The following RNF17 variants were observed in gnomAD, a reference collection of about 807,000 sequenced individuals.
The protein encoded by RNF17 is spermatogenesis associated 23.
RNF17 carries 31 observed loss-of-function variants against 200.5 expected under a neutral mutation model. That is an observed-to-expected ratio of 0.15 (90% CI 0.12 to 0.21). The LOEUF is 0.21. Among genes scored for constraint, RNF17 ranks in the 10% least tolerant of loss-of-function variants. The pLI is 1.00. For synonymous variants in RNF17, 606 were observed against 637.8 expected, an observed-to-expected ratio of 0.95 and a Z score of 0.75; for missense variants, 1,628 against 1,905.1, an observed-to-expected ratio of 0.85 and a Z score of 2.71.
At chr13:24,819,134 A>G (rs1887745140) in intron 15 of RNF17, among the ~76,000 whole-genome samples, 1 of 152,202 alleles carries the variant, frequency 6.6e-6, no homozygotes, top group Admixed American at 6.5e-5. Flanking sequence ...ATAGATTTCT[A>G]GAACATTTTC....
At chr13:24,813,861 T>C (rs1372503496) in intron 15 of RNF17, among the ~76,000 whole-genome samples, 3 of 131,922 alleles carry the variant, frequency 2.3e-5, no homozygotes, top group Non-Finnish European at 1.6e-5. Context: ...AGGTTCTTGC[T>C]GTGTTGCCCA....
downstream of RNF17, chr13:24,884,447 T>TTA: frequency 6.2e-7 from 1 of 1,614,090 alleles, no homozygotes; most frequent in Non-Finnish European, 8.5e-7. Context: ...GCACCCATTC[T>TTA]TATAAACCTT....
At chr13:24,883,397 C>G (rs75446366), downstream of RNF17, 3 of 1,491,332 alleles carry the variant, frequency 2.0e-6, no homozygotes, top group Admixed American at 5.7e-5. Context: ...AATATGATTT[C>G]TTAAAAAAAA....
intron 15 of RNF17, among the ~76,000 whole-genome samples, chr13:24,808,857 GT>G: frequency 9.7e-6 from 1 of 102,814 alleles, no homozygotes; most frequent in Non-Finnish European, 1.9e-5. Flanking sequence ...AGCATGAAGG[GT>G]TGTTGAATTT....
At chr13:24,779,021 T>G (rs1003781446) in intron 4 of RNF17, among the ~76,000 whole-genome samples, 1 of 152,150 alleles carries the variant, frequency 6.6e-6, no homozygotes, top group African/African-American at 2.4e-5. Context: ...AAACCCCATC[T>G]CTACTAAAAG....
intron 1 of RNF17, among the ~76,000 whole-genome samples, chr13:24,764,888 G>GGTGTGGGGGT (rs1555262370): frequency 4.4e-4 from 59 of 134,170 alleles, no homozygotes; most frequent in East Asian, 4.1e-4. Context: ...CACCTTGTGG[G>GGTGTGGGGGT]GTGTGTGTGT....
chr13:24,774,624 T>C (rs997981278), intron 2 of RNF17, among the ~76,000 whole-genome samples, 189 bp from the exon 3 acceptor site: 3 of 152,244 alleles, frequency 2.0e-5, no homozygotes, highest in Non-Finnish European at 4.4e-5. Context: ...AAATTCGTGA[T>C]TGCTTCCAAA....
intron 11 of RNF17, among the ~76,000 whole-genome samples, chr13:24,798,413 G>A (rs1007708396): frequency 1.3e-5 from 2 of 152,168 alleles, no homozygotes; most frequent in African/African-American, 2.4e-5. Flanking sequence ...AAGATCAAAC[G>A]TTTTGGTAGG....
At chr13:24,787,027 G>C (rs1171623544) in intron 6 of RNF17, among the ~76,000 whole-genome samples, 1 of 151,216 alleles carries the variant, frequency 6.6e-6, no homozygotes, top group African/African-American at 2.4e-5. Flanking sequence ...ATTTTTTTCA[G>C]GCTTCATTAT....
intron 21 of RNF17, 27 bp downstream of exon 21, chr13:24,844,829 T>G: frequency 6.2e-7 from 1 of 1,603,364 alleles, no homozygotes; most frequent in Non-Finnish European, 8.5e-7. Context: ...AAAGTGTAAT[T>G]GTGAAGGTGA....
At chr13:24,840,831 G>A (rs1386399601) in intron 18 of RNF17, among the ~76,000 whole-genome samples, 2 of 152,062 alleles carry the variant, frequency 1.3e-5, no homozygotes, top group Non-Finnish European at 2.9e-5. Flanking sequence ...ACAAGTCACC[G>A]CTAAAGAACT....
At chr13:24,850,307 T>C in intron 22 of RNF17, 34 bp from the exon 23 acceptor site, 1 of 1,373,934 alleles carries the variant, frequency 7.3e-7, no homozygotes, top group Non-Finnish European at 1.0e-6. Flanking sequence ...TATGCTATTT[T>C]TATAAAACAA....
chr13:24,778,183 GC>G, intron 3 of RNF17, 111 bp from the exon 4 acceptor site: 1 of 660,678 alleles, frequency 1.5e-6, no homozygotes, highest in Non-Finnish European at 2.6e-6. Context: ...GATCGCTGGA[GC>G]CTGGGAAGTC....
chr13:24,797,679 GGAGA>G lies in RNF17; in HGVS notation c.1399+1401_1399+1404del, dbSNP rs140460990. Among the ~76,000 whole-genome samples the G allele has an allele frequency of 5.6e-4, 68 of 120,764 alleles. 1 individual carries two copies. The highest frequency in any genetic ancestry group is 1.9e-3 in the South Asian group (7 of 3,722). The allele number at this position is 120,764 out of a possible 152,430, so 79.2% of individuals were successfully genotyped here. ...TACATTGTCCCAGTCTGAGTGGCAG[GGAGA>G]GAGAGAGAGAGAGAGACAAAGAGTG... On this transcript the variant is annotated intron_variant, in intron 11 of 35. Coordinates refer to ENST00000255324, the MANE Select transcript of RNF17 (RefSeq NM_031277.3).
Position 24,843,853 on chromosome 13 carries a change from C to A in RNF17, c.2713C>A (p.Leu905Ile). The A allele has an allele frequency of 6.2e-7, 1 of 1,606,942 alleles. No homozygotes were observed. ...HNLNPVSAKS[L>I]PNENFQSLYN... is the part of the protein sequence containing the mutation. ...CTTAAATCCTGTGTCTGCAAAATCT[C>A]TACCTAATGAGAATTTTCAGTCACT... The change falls in exon 20 of 36, where the codon CTA (leucine) becomes ATA (isoleucine). Residue 905 changes from leucine to isoleucine, a missense_variant. By Grantham distance (5) the Leu-to-Ile change is conservative. This residue lies in a region of RNF17 where 227 missense variants were observed against 319.8 expected (regional missense o/e 0.71). Coordinates refer to ENST00000255324, the MANE Select transcript of RNF17 (RefSeq NM_031277.3).
At chr13:24,808,444 T>C (rs1566161793) in intron 15 of RNF17, among the ~76,000 whole-genome samples, 1 of 132,322 alleles carries the variant, frequency 7.6e-6, no homozygotes, top group African/African-American at 2.8e-5. Context: ...GGCTCTCTGT[T>C]TGTCTGTTGT....
At chr13:24,836,159 G>A (rs1316085274) in intron 18 of RNF17, among the ~76,000 whole-genome samples, 4 of 152,148 alleles carry the variant, frequency 2.6e-5, no homozygotes, top group African/African-American at 7.2e-5. Context: ...TACGTTAAAC[G>A]ACCAAACCAT....
Position 24,823,114 on chromosome 13 carries a change from C to G in RNF17, c.2092-2505C>G, listed in dbSNP as rs561450604. On this transcript the variant is annotated intron_variant, in intron 15 of 35. Coordinates refer to ENST00000255324, the MANE Select transcript of RNF17 (RefSeq NM_031277.3). ...AAAAAAACGGAGTCTGGCTCTGTCA[C>G]CCACACTGGAGTGCAATGGCATGAT... is the stretch of plus-strand genomic sequence containing the variant. Among the ~76,000 whole-genome samples, 3 of 152,174 alleles carry G rather than the reference C, an allele frequency of 2.0e-5. No homozygotes were observed. The South Asian group carries it at 6.2e-4, about 32-fold the overall frequency.
chr13:24,854,505 A>G (rs1892262769), intron 25 of RNF17, among the ~76,000 whole-genome samples: 1 of 149,340 alleles, frequency 6.7e-6, no homozygotes, highest in African/African-American at 2.6e-5. Context: ...GTTGGCATTA[A>G]AGTAAAGAAC....
Sources: allele counts gnomAD v4.1 joint callset (sites outside exome capture counted in the v4.1 genomes callset), GRCh38; gene constraint gnomAD v4.1.1; regional missense constraint gnomAD v4.1.1; transcripts MANE v1.5; gene names NCBI Gene and HGNC (gene_info 2026-07-23, HGNC 2026-07-21).